Variants in PEX5L observed in about 807,000 individuals in gnomAD.
PEX5L encodes the protein PEX5-related protein.
A neutral mutation model predicts 84.0 loss-of-function variants in PEX5L; 30 were observed. The observed-to-expected ratio is 0.36, with a 90% CI of 0.27 to 0.48. The LOEUF is 0.48. Among genes scored for constraint, PEX5L ranks in the 20% least tolerant of loss-of-function variants. PEX5L has a pLI of 0.99. For missense variants in PEX5L, 533 were observed against 754.6 expected (o/e 0.71, Z 3.44); for synonymous variants, 270 against 283.1 (o/e 0.95, Z 0.46).
At chr3:179,861,217 T>C (rs1272495516) in intron 7 of PEX5L, among the ~76,000 whole-genome samples, 1 of 152,222 alleles carries the variant, frequency 6.6e-6, no homozygotes. Context: ...TTGTTGAAAA[T>C]ACGCTGTCAA....
chr3:179,809,526 T>A lies in PEX5L; in HGVS notation c.1297A>T (p.Ser433Cys). ...GTGAGGCCTGGAGATCCCTTCTTGC[T>A]TTTCACAAGGTATTTGTACTTTGGA... is the stretch of plus-strand genomic sequence containing the variant. ...QNPKYKYLVK[S>C]KKGSPGLTRR... The change falls in exon 12 of 15, where the codon AGC becomes TGC. Residue 433 changes from serine to cysteine, a missense_variant. By Grantham distance (112) the Ser-to-Cys change is moderately radical (BLOSUM62 -1). Transcript: ENST00000467460. 6 of 1,614,184 alleles carry A rather than the reference T, an allele frequency of 3.7e-6. No individual in the cohort carries two copies. The highest frequency in any genetic ancestry group is 5.1e-6 in the Non-Finnish European group (6 of 1,180,024).
chr3:179,858,989 T>G, intron 8 of PEX5L, 73 bp downstream of exon 8: 1 of 889,404 alleles, frequency 1.1e-6, no homozygotes. Flanking sequence ...ATTTCTATCT[T>G]GCTGAAGTTT....
At chr3:179,961,973 G>A (rs1278605249) in intron 2 of PEX5L, among the ~76,000 whole-genome samples, 1 of 152,250 alleles carries the variant, frequency 6.6e-6, no homozygotes, top group African/African-American at 2.4e-5. Flanking sequence ...AAAACCATCT[G>A]TGTCAACAGG....
At chr3:179,856,471 C>A (rs919196738) in intron 8 of PEX5L, among the ~76,000 whole-genome samples, 3 of 152,160 alleles carry the variant, frequency 2.0e-5, no homozygotes, top group African/African-American at 4.8e-5. Context: ...AATATTGCAA[C>A]TTTCAAGTTA....
At chr3:179,879,019 A>G (rs1044249013) in intron 5 of PEX5L, among the ~76,000 whole-genome samples, 16 of 152,240 alleles carry the variant, frequency 1.1e-4, no homozygotes, top group Non-Finnish European at 2.2e-4. Context: ...TATCATAATA[A>G]TAAGTGATTT....
At chr3:179,809,394 G>A in intron 12 of PEX5L, 77 bp downstream of exon 12, 1 of 1,050,404 alleles carries the variant, frequency 9.5e-7, no homozygotes, top group South Asian at 1.3e-5. Context: ...AGGGTGTGAG[G>A]CTCATTAGTT....
intron 3 of PEX5L, among the ~76,000 whole-genome samples, chr3:179,892,327 G>A (rs1395471733): frequency 6.6e-6 from 1 of 152,082 alleles, no homozygotes; most frequent in Non-Finnish European, 1.5e-5. Context: ...ACATTGTCTA[G>A]GAACCTTCTT....
chr3:179,871,100 C>CTTTT lies in PEX5L; in HGVS notation c.726+3223_726+3226dup, dbSNP rs397801213. Among the ~76,000 whole-genome samples the CTTTT allele has an allele frequency of 1.5e-3, 138 of 94,996 alleles. 1 individual carries two copies. The highest frequency in any genetic ancestry group is 5.9e-3 in the African/African-American group (131 of 22,086). The allele number at this position is 94,996 out of a possible 152,430, so 62.3% of individuals were successfully genotyped here. A position where few individuals can be genotyped will look rare whatever the true frequency, so the allele number is the denominator to read the frequency against. ...TTTCCTGTGAACCATTTGAGTTATA[C>CTTTT]TTTTTTTTTTTTTTTTTTTTTTGGC... is the stretch of plus-strand genomic sequence containing the variant. On this transcript the variant is annotated intron_variant, in intron 7 of 14. Coordinates refer to ENST00000467460, the MANE Select transcript of PEX5L (RefSeq NM_016559.3).
intron 2 of PEX5L, among the ~76,000 whole-genome samples, chr3:179,960,704 A>T (rs28678589): frequency 0.046 from 7,028 of 152,304 alleles, 553 homozygotes; most frequent in African/African-American, 0.16. Context: ...TAGCTTAAAA[A>T]TTTAACAATA....
At chr3:179,950,086 A>T (rs1276523244) in intron 2 of PEX5L, among the ~76,000 whole-genome samples, 1 of 152,178 alleles carries the variant, frequency 6.6e-6, no homozygotes, top group Admixed American at 6.5e-5. Flanking sequence ...GCTCTCTGGC[A>T]CTGCCACCTG....
intron 2 of PEX5L, among the ~76,000 whole-genome samples, chr3:179,907,007 C>T (rs980179924): frequency 6.6e-6 from 1 of 151,388 alleles, no homozygotes; most frequent in African/African-American, 2.4e-5. Context: ...GGTCTTGAGG[C>T]CTGGTTTCTC....
intron 2 of PEX5L, among the ~76,000 whole-genome samples, chr3:179,933,834 A>G (rs542053359): frequency 4.6e-5 from 7 of 152,098 alleles, no homozygotes; most frequent in Non-Finnish European, 7.3e-5. Flanking sequence ...AGAGTCCCCA[A>G]ATTTGCTTGT....
intron 2 of PEX5L, among the ~76,000 whole-genome samples, chr3:179,970,483 A>G (rs537320564): frequency 6.4e-4 from 98 of 152,268 alleles, no homozygotes; most frequent in Non-Finnish European, 1.2e-3. Flanking sequence ...GAGAGCAATG[A>G]TAAGAAAAAC....
intron 1 of PEX5L, among the ~76,000 whole-genome samples, chr3:179,990,477 T>C: frequency 6.6e-6 from 1 of 152,088 alleles, no homozygotes; most frequent in East Asian, 1.9e-4. Context: ...ATGTTCACTG[T>C]AGGCTCAACC....
rs1479712203 is a variant in PEX5L, at chr3:179,807,756, T to C, written c.1594A>G (p.Thr532Ala). ...DRSEEAVEAY[T>A]RALEIQPGFI... The stretch of plus-strand genomic sequence containing the variant: ...CCTGGCTGAATCTCCAGTGCTCGCG[T>C]ATAGGCCTCCACGGCTTCCTCGCTG... Residue 532 changes from threonine (T) to alanine (A), a missense_variant, in exon 14 of 15, where the codon ACG becomes GCG. By Grantham distance (58) the Thr-to-Ala change is moderately conservative. Coordinates refer to ENST00000467460, the MANE Select transcript of PEX5L (RefSeq NM_016559.3). The C allele has an allele frequency of 1.2e-6, 2 of 1,614,032 alleles. No homozygotes were observed. Among genetic ancestry groups the C allele is most frequent in the Non-Finnish European group, 1.7e-6 (2 of 1,180,014 alleles).
At chr3:179,802,532 C>CAAAAAA (rs369244711) in intron 14 of PEX5L, among the ~76,000 whole-genome samples, 117 of 73,480 alleles carry the variant, frequency 1.6e-3, no homozygotes, top group East Asian at 2.4e-3. Flanking sequence ...GAGACTGTCT[C>CAAAAAA]AAAAAAAAAA....
intron 8 of PEX5L, among the ~76,000 whole-genome samples, chr3:179,851,729 A>C (rs1411456608): frequency 6.6e-6 from 1 of 152,188 alleles, no homozygotes; most frequent in South Asian, 2.1e-4. Flanking sequence ...GAGGTCTAGG[A>C]GCTTTGCAGA....
At chr3:179,925,695 A>G (rs1771238290) in intron 2 of PEX5L, among the ~76,000 whole-genome samples, 1 of 152,230 alleles carries the variant, frequency 6.6e-6, no homozygotes, top group East Asian at 1.9e-4. Flanking sequence ...TTAACTCGCT[A>G]TCTCTAAATT....
At chr3:179,943,697 T>G (rs1233780017) in intron 2 of PEX5L, among the ~76,000 whole-genome samples, 1 of 152,222 alleles carries the variant, frequency 6.6e-6, no homozygotes, top group Non-Finnish European at 1.5e-5. Context: ...ACGTGACATC[T>G]GTGGCCCGCT....
Sources: gnomAD v4.1 joint callset for allele counts (sites outside exome capture counted in the v4.1 genomes callset) on GRCh38, gnomAD v4.1.1 for gene constraint, MANE v1.5 for transcripts, NCBI Gene and HGNC (gene_info 2026-07-23, HGNC 2026-07-21) for gene names.